Variants in UNC5D observed in about 807,000 individuals in gnomAD.
The protein encoded by UNC5D is netrin receptor UNC5D.
A neutral mutation model predicts 105.4 loss-of-function variants in UNC5D; 39 were observed. The observed-to-expected ratio is 0.37, with a 90% CI of 0.29 to 0.48. The LOEUF (loss-of-function observed/expected upper bound fraction) is 0.48. Among genes scored for constraint, UNC5D ranks in the 20% least tolerant of loss-of-function variants. The pLI, the probability that UNC5D is intolerant of heterozygous loss-of-function variation, is 0.98. For synonymous variants in UNC5D, 452 were observed against 450.4 expected, an observed-to-expected ratio of 1.00 and a Z score of -0.04; for missense variants, 991 against 1,202.4, an observed-to-expected ratio of 0.82 and a Z score of 2.60.
intron 1 of UNC5D, among the ~76,000 whole-genome samples, chr8:35,367,526 G>A (rs908956110): frequency 1.3e-5 from 2 of 152,030 alleles, no homozygotes; most frequent in African/African-American, 4.8e-5. Flanking sequence ...TTCCAGAGGA[G>A]GAAGAGCATT....
intron 3 of UNC5D, among the ~76,000 whole-genome samples, chr8:35,573,032 T>G (rs915393787): frequency 3.3e-5 from 5 of 152,136 alleles, no homozygotes; most frequent in African/African-American, 4.8e-5. Context: ...CTCGATCTCC[T>G]GACCTCGTGA....
At chr8:35,746,346 G>T (rs1208562166) in intron 11 of UNC5D, among the ~76,000 whole-genome samples, 2 of 152,126 alleles carry the variant, frequency 1.3e-5, no homozygotes, top group African/African-American at 2.4e-5. Flanking sequence ...GCAGAAAAGG[G>T]CATATTGTTA....
intron 11 of UNC5D, among the ~76,000 whole-genome samples, chr8:35,736,714 G>A (rs927897417): frequency 3.9e-5 from 6 of 152,178 alleles, no homozygotes; most frequent in African/African-American, 1.4e-4. Flanking sequence ...AACTAAAAGA[G>A]TAAAAGGGGT....
At chr8:35,782,272 A>G (rs999763644) in intron 16 of UNC5D, among the ~76,000 whole-genome samples, 5 of 152,122 alleles carry the variant, frequency 3.3e-5, no homozygotes, top group African/African-American at 1.2e-4. Flanking sequence ...TTTCTCTTCT[A>G]TTTGCATTTA....
chr8:35,508,619 T>C (rs376334450), intron 1 of UNC5D, among the ~76,000 whole-genome samples: 2 of 152,196 alleles, frequency 1.3e-5, no homozygotes, highest in African/African-American at 4.8e-5. Flanking sequence ...TCATATCTCT[T>C]CCAGCTTTCT....
intron 3 of UNC5D, among the ~76,000 whole-genome samples, chr8:35,583,531 T>G (rs1175252197): frequency 6.6e-6 from 1 of 152,170 alleles, no homozygotes; most frequent in East Asian, 1.9e-4. Context: ...TGGTGGCTAT[T>G]TCTGCATTCA....
chr8:35,535,201 A>G (rs1302050759), intron 1 of UNC5D, among the ~76,000 whole-genome samples: 4 of 152,186 alleles, frequency 2.6e-5, no homozygotes, highest in East Asian at 3.8e-4. Context: ...TGGCCTAGCA[A>G]TATGCACGTG....
At chr8:35,783,336 C>T (rs1346373751) in intron 16 of UNC5D, among the ~76,000 whole-genome samples, 4 of 152,104 alleles carry the variant, frequency 2.6e-5, no homozygotes, top group East Asian at 1.9e-4. Context: ...AATATGGGGC[C>T]GCAACTCAAA....
At chr8:35,433,703 G>A (rs962692505) in intron 1 of UNC5D, among the ~76,000 whole-genome samples, 7 of 151,360 alleles carry the variant, frequency 4.6e-5, no homozygotes, top group African/African-American at 7.3e-5. Flanking sequence ...AATACTATTG[G>A]CCAGGCATGG....
At chr8:35,706,956 A>C (rs1827624587) in intron 8 of UNC5D, among the ~76,000 whole-genome samples, 1 of 152,208 alleles carries the variant, frequency 6.6e-6, no homozygotes, top group African/African-American at 2.4e-5. Flanking sequence ...GGCAACATTA[A>C]TACAGCTCTC....
intron 4 of UNC5D, among the ~76,000 whole-genome samples, chr8:35,617,156 A>G (rs529436595): frequency 6.6e-6 from 1 of 152,190 alleles, no homozygotes; most frequent in African/African-American, 2.4e-5. Flanking sequence ...CAGATAAACA[A>G]CGGCCACAAT....
intron 1 of UNC5D, among the ~76,000 whole-genome samples, chr8:35,384,229 AAC>A (rs1563364492): frequency 1.3e-5 from 2 of 150,026 alleles, no homozygotes; most frequent in South Asian, 2.1e-4. Context: ...AAAAAAAAAA[AAC>A]AAAAAAAAAC....
At chr8:35,710,587 C>G (rs1250990809) in intron 8 of UNC5D, among the ~76,000 whole-genome samples, 1 of 151,886 alleles carries the variant, frequency 6.6e-6, no homozygotes, top group Admixed American at 6.6e-5. Flanking sequence ...TATTTAAAGC[C>G]CTTAGGTTGG....
intron 1 of UNC5D, among the ~76,000 whole-genome samples, chr8:35,319,451 G>T (rs181014958): frequency 2.0e-5 from 3 of 152,238 alleles, no homozygotes; most frequent in African/African-American, 7.2e-5. Context: ...TTGGGTAAAG[G>T]TCAGATTAAT....
intron 4 of UNC5D, among the ~76,000 whole-genome samples, chr8:35,660,726 T>C (rs1824053010): frequency 6.6e-6 from 1 of 152,078 alleles, no homozygotes; most frequent in African/African-American, 2.4e-5. Context: ...TGGGAATAGG[T>C]AGAGTCCCTC....
chr8:35,748,809 G>C, intron 12 of UNC5D, 114 bp downstream of exon 12: 1 of 1,235,276 alleles, frequency 8.1e-7, no homozygotes, highest in Non-Finnish European at 1.1e-6. Context: ...GCAAAGGGTT[G>C]GTGGCAAGTG....
intron 1 of UNC5D, among the ~76,000 whole-genome samples, chr8:35,318,814 A>G (rs1457196107): frequency 6.6e-6 from 1 of 152,140 alleles, no homozygotes. Context: ...GATTTTGACC[A>G]GAGACCTTTG....
At chr8:35,266,052 T>C (rs1804848597) in intron 1 of UNC5D, among the ~76,000 whole-genome samples, 1 of 152,094 alleles carries the variant, frequency 6.6e-6, no homozygotes, top group Admixed American at 6.6e-5. Flanking sequence ...TGACTGTATG[T>C]GTTTAACTTT....
intron 7 of UNC5D, among the ~76,000 whole-genome samples, chr8:35,690,206 T>TGAA (rs1826294657): frequency 6.6e-6 from 1 of 152,152 alleles, no homozygotes; most frequent in African/African-American, 2.4e-5. Context: ...GGAGAAAGGG[T>TGAA]GAAGTCTATG....
Sources: gnomAD v4.1 joint callset for allele counts (sites outside exome capture counted in the v4.1 genomes callset) on GRCh38, gnomAD v4.1.1 for gene constraint, MANE v1.5 for transcripts, NCBI Gene and HGNC (gene_info 2026-07-23, HGNC 2026-07-21) for gene names.